Variants in MGST1 observed in about 807,000 individuals in gnomAD.
MGST1 encodes the protein glutathione S-transferase 12.
MGST1 carries 5 observed loss-of-function variants against 8.9 expected under a neutral mutation model. That is an observed-to-expected ratio of 0.56 (90% CI 0.29 to 1.19). The LOEUF is 1.19. Ranked by LOEUF, MGST1 falls within the 50% of genes most tolerant of loss-of-function variation. MGST1 has a pLI of 0.08. For synonymous variants in MGST1, 54 were observed against 67.8 expected (o/e 0.80, Z 1.00); for missense variants, 182 against 187.4 (o/e 0.97, Z 0.17).
chr12:16,443,735 C>T (rs1397396176), downstream of MGST1, among the ~76,000 whole-genome samples: 1 of 151,910 alleles, frequency 6.6e-6, no homozygotes, highest in African/African-American at 2.4e-5. Context: ...GGCCAACAGT[C>T]TCATATGTAT....
At position 16,501,698 on chromosome 12, in the gene MGST1, G is replaced by A. The variant is rs558902046; in HGVS notation, n.483-87830G>A. Among the ~76,000 whole-genome samples, 3 of 152,184 alleles carry A rather than the reference G, an allele frequency of 2.0e-5. No individual in the cohort carries two copies. The East Asian group carries it at 5.8e-4, about 29-fold the overall frequency. ...TTTCTTTCTTCATTACCCAGTTACT[G>A]TGTAATGAAAATTCTTCCAAATTTG... On this transcript the variant is annotated intron_variant and non_coding_transcript_variant, in intron 4 of 4. Coordinates refer to the MGST1 transcript ENST00000538857.
intron 3 of MGST1, among the ~76,000 whole-genome samples, chr12:16,374,935 C>T (rs1940355684): frequency 6.6e-6 from 1 of 152,152 alleles, no homozygotes; most frequent in Non-Finnish European, 1.5e-5. Context: ...TGCTGAAGTG[C>T]AGTGGGACAA....
In MGST1 at chr12:16,480,366, C is replaced by T. The variant is rs1447875416; in HGVS notation, n.482+96762C>T. The stretch of plus-strand genomic sequence containing the variant: ...CCATGTTGGCCAGGATGGTCTCGAT[C>T]TCTTGACCTTGTGATCTGCCCATCT... On this transcript the variant is annotated intron_variant and non_coding_transcript_variant, in intron 4 of 4. Coordinates refer to the MGST1 transcript ENST00000538857. Among the ~76,000 whole-genome samples the T allele has an allele frequency of 2.0e-5, 3 of 152,048 alleles. 1 individual carries two copies. The highest frequency in any genetic ancestry group is 1.3e-4 in the Admixed American group (2 of 15,252).
rs1489123154 is a variant in MGST1 at position 16,361,133 on chromosome 12, A to G, written c.222-2662A>G. Among the ~76,000 whole-genome samples the G allele has an allele frequency of 1.3e-5, 2 of 152,206 alleles. No individual in the cohort carries two copies. Among genetic ancestry groups the G allele is most frequent in the Admixed American group, 6.5e-5 (1 of 15,272 alleles). On this transcript the variant is annotated intron_variant, in intron 3 of 3. Transcript: ENST00000396210. This position sits in a 1 kb window ranked among gnomAD's most constrained non-coding sequence, Gnocchi z 4.2. The stretch of plus-strand genomic sequence containing the variant: ...GAGAAAGAGGAGAGAAGTCTCATCA[A>G]TTTGGGAAAATTCCTTTGTGAGAAT...
Position 16,401,885 on chromosome 12 carries a change from C to A in MGST1, n.778+18281C>A, listed in dbSNP as rs565193787. 331 of 1,602,280 alleles carry A rather than the reference C, an allele frequency of 2.1e-4. 1 individual carries two copies. In the African/African-American group the frequency reaches 3.5e-3, roughly 17 times the overall value. On this transcript the variant is annotated intron_variant and non_coding_transcript_variant, in intron 1 of 1. Transcript: ENST00000359720. This position sits in a 1 kb window ranked among gnomAD's most constrained non-coding sequence, Gnocchi z 4.3. ...CAGCTGCTTTCTTCATTAATTTGAG[C>A]TCCCCATCCTCCCTTACAGCGACTG...
chr12:16,399,689 C>G (rs551126096), intron 1 of MGST1: 2 of 1,387,184 alleles, frequency 1.4e-6, no homozygotes, highest in Non-Finnish European at 2.1e-6. Flanking sequence ...CGAAAAAGCC[C>G]TCAGGGTCAT....
At chr12:16,417,218 G>A (rs879787599) in intron 1 of MGST1, among the ~76,000 whole-genome samples, 2 of 152,068 alleles carry the variant, frequency 1.3e-5, no homozygotes, top group Admixed American at 6.6e-5. Flanking sequence ...ATAGCAGAAG[G>A]GGAGGCAAAC....
intron 4 of MGST1, among the ~76,000 whole-genome samples, chr12:16,516,016 C>T (rs900154639): frequency 1.2e-4 from 18 of 152,180 alleles, no homozygotes; most frequent in South Asian, 2.1e-4. Context: ...TACTGTAAAC[C>T]GCCCCCCACC....
At chr12:16,441,890 T>C (rs1310805161), downstream of MGST1, among the ~76,000 whole-genome samples, 4 of 151,864 alleles carry the variant, frequency 2.6e-5, no homozygotes, top group Non-Finnish European at 4.4e-5. Context: ...TTTTTAGCTT[T>C]GTTGGAAGCT....
At chr12:16,433,284 G>A (rs1591726770) in intron 1 of MGST1, among the ~76,000 whole-genome samples, 1 of 152,036 alleles carries the variant, frequency 6.6e-6, no homozygotes, top group East Asian at 1.9e-4. Flanking sequence ...CTGAGGGTGG[G>A]TCTCCCTTTC....
intron 4 of MGST1, among the ~76,000 whole-genome samples, chr12:16,542,829 C>T (rs112332056): frequency 1.3e-3 from 195 of 152,278 alleles, no homozygotes; most frequent in African/African-American, 4.4e-3. Context: ...TCTGTGATGG[C>T]TTTCTCTCTG....
At chr12:16,568,613 G>A (rs1368428926) in intron 4 of MGST1, among the ~76,000 whole-genome samples, 6 of 152,292 alleles carry the variant, frequency 3.9e-5, no homozygotes, top group Admixed American at 3.9e-4. Flanking sequence ...AATATTTCAT[G>A]AATAATTTTT....
At position 16,513,681 on chromosome 12, in the gene MGST1, G is replaced by T; in HGVS notation, n.483-75847G>T. The stretch of plus-strand genomic sequence containing the variant: ...TGGACGAGGACTACCTCTCCATTGG[G>T]CGGCTGGCTGAATTTTGCAAGGCAT... On this transcript the variant is annotated intron_variant and non_coding_transcript_variant, in intron 4 of 4. Transcript: ENST00000538857. The surrounding 1 kb of genome is among the most constrained non-coding windows in gnomAD (Gnocchi z 4.2). The T allele has an allele frequency of 1.9e-6, 1 of 527,416 alleles. No homozygotes were observed. Among genetic ancestry groups the T allele is most frequent in the South Asian group, 1.5e-5 (1 of 67,498 alleles). The allele number at this position is 527,416 out of a possible 1,614,324, so 32.7% of individuals were successfully genotyped here. A position where few individuals can be genotyped will look rare whatever the true frequency, so the allele number is the denominator to read the frequency against.
intron 1 of MGST1, among the ~76,000 whole-genome samples, chr12:16,390,953 C>G (rs1940546990): frequency 6.6e-6 from 1 of 151,966 alleles, no homozygotes; most frequent in Non-Finnish European, 1.5e-5. Flanking sequence ...CTTTTCTCCA[C>G]AACCTCTCTA....
Position 16,347,973 on chromosome 12 carries a change from CTT to C in MGST1, c.-23+264_-23+265del, listed in dbSNP as rs2136895242. 6.6e-6 allele frequency: 1 copy of C among 152,206 alleles called. No homozygotes were observed. Among genetic ancestry groups the C allele is most frequent in the East Asian group, 1.9e-4 (1 of 5,194 alleles). 9.4% of individuals were successfully genotyped at this position (152,206 alleles called of 1,614,324 possible). A position where few individuals can be genotyped will look rare whatever the true frequency, so the allele number is the denominator to read the frequency against. On this transcript the variant is annotated intron_variant, in intron 1 of 3. Transcript: ENST00000396210. This position sits in a 1 kb window ranked among gnomAD's most constrained non-coding sequence, Gnocchi z 4.0. ...TCATGCTTGAGTGATGATTTCCAAA[CTT>C]AGCCTTTTCAAGTCAAAGTAACCTC...
Position 16,576,447 on chromosome 12 carries a change from T to C in MGST1, n.483-13081T>C, listed in dbSNP as rs2137495718. 6.6e-6 allele frequency among the ~76,000 whole-genome samples: 1 copy of C among 152,368 alleles called. No homozygotes were observed. The highest frequency in any genetic ancestry group is 1.9e-4 in the East Asian group (1 of 5,184). On this transcript the variant is annotated intron_variant and non_coding_transcript_variant, in intron 4 of 4. Transcript: ENST00000538857. The surrounding 1 kb of genome is among the most constrained non-coding windows in gnomAD (Gnocchi z 4.1). ...CCTGGAAGACTACTGCTGCTTTTTT[T>C]TCATATTCAGATCAAATGTCAATGG...
chr12:16,435,023 A>G (rs1365066483), intron 1 of MGST1, among the ~76,000 whole-genome samples: 1 of 151,998 alleles, frequency 6.6e-6, no homozygotes, highest in East Asian at 1.9e-4. Flanking sequence ...TTTTAAATTT[A>G]TCTCATAAGA....
At chr12:16,474,062 G>T (rs1034704973) in intron 4 of MGST1, among the ~76,000 whole-genome samples, 28 of 152,272 alleles carry the variant, frequency 1.8e-4, no homozygotes, top group African/African-American at 6.3e-4. Flanking sequence ...TGAACAATTT[G>T]TTCTGCAACA....
chr12:16,386,516 A>C (rs958802872), intron 1 of MGST1, among the ~76,000 whole-genome samples: 1 of 152,220 alleles, frequency 6.6e-6, no homozygotes, highest in Non-Finnish European at 1.5e-5. Flanking sequence ...CCTGCCTCCC[A>C]GCCTACTCTC....
Sources: allele counts gnomAD v4.1 joint callset (sites outside exome capture counted in the v4.1 genomes callset), GRCh38; gene constraint gnomAD v4.1.1; non-coding constraint Gnocchi (gnomAD v3.1); transcripts MANE v1.5; gene names NCBI Gene and HGNC (gene_info 2026-07-23, HGNC 2026-07-21).